The following CFAP96 variants were observed in gnomAD, a reference collection of about 807,000 sequenced individuals.
CFAP96 encodes cilia and flagella associated protein 96, also known as cilia-and flagella-associated protein 96.
chr4:185,439,931 A>G, the CFAP96 span, among the ~76,000 whole-genome samples: 2 of 145,054 alleles, frequency 1.4e-5, no homozygotes, highest in African/African-American at 2.5e-5. Flanking sequence ...TATGATATAT[A>G]TACATATATG....
the CFAP96 span, chr4:185,445,344 T>G: frequency 1.4e-6 from 1 of 728,592 alleles, no homozygotes; most frequent in African/African-American, 1.8e-5. Flanking sequence ...AAAGCTTAAG[T>G]TATCTGCACC....
chr4:185,413,795 C>A, the CFAP96 span: 1 of 1,613,540 alleles, frequency 6.2e-7, no homozygotes, highest in South Asian at 1.1e-5. Context: ...CTTTGTATGG[C>A]TCATCTGGAA....
the CFAP96 span, chr4:185,413,811 T>C: frequency 1.3e-5 from 21 of 1,613,504 alleles, no homozygotes; most frequent in Middle Eastern, 3.3e-4. Flanking sequence ...TGGAAAGTGA[T>C]AAGCATTAGA....
At chr4:185,440,654 A>G in the CFAP96 span, 5 of 1,513,666 alleles carry the variant, frequency 3.3e-6, no homozygotes, top group African/African-American at 1.4e-5. Context: ...TTTACCACCA[A>G]TTAAAAAAGA....
chr4:185,421,456 AGAGT>A, the CFAP96 span, among the ~76,000 whole-genome samples: 2 of 152,162 alleles, frequency 1.3e-5, no homozygotes, highest in African/African-American at 4.8e-5. Flanking sequence ...CACAGTAATA[AGAGT>A]GAGTTCTCAC....
At chr4:185,424,246 C>CA in the CFAP96 span, among the ~76,000 whole-genome samples, 1 of 152,024 alleles carries the variant, frequency 6.6e-6, no homozygotes, top group African/African-American at 2.4e-5. Flanking sequence ...GTCAATGCTA[C>CA]AGTGAGCCAT....
the CFAP96 span, among the ~76,000 whole-genome samples, chr4:185,440,076 A>T: frequency 2.0e-5 from 3 of 150,564 alleles, no homozygotes; most frequent in Admixed American, 6.6e-5. Flanking sequence ...TCATATATAC[A>T]TATAAAATCA....
chr4:185,416,344 C>T, the CFAP96 span, among the ~76,000 whole-genome samples: 1 of 152,138 alleles, frequency 6.6e-6, no homozygotes, highest in Non-Finnish European at 1.5e-5. Flanking sequence ...ATAAAATAAC[C>T]ACACACCAAA....
At chr4:185,413,822 C>T in the CFAP96 span, 1 of 1,613,076 alleles carries the variant, frequency 6.2e-7, no homozygotes, top group East Asian at 2.2e-5. Flanking sequence ...AAGCATTAGA[C>T]CTTTTGAAAT....
At chr4:185,425,858 A>G in the CFAP96 span, 8 of 1,604,240 alleles carry the variant, frequency 5.0e-6, no homozygotes, top group Admixed American at 1.4e-4. Flanking sequence ...ACGAGCAGAG[A>G]TACTCACCAT....
chr4:185,434,048 A>T, the CFAP96 span, among the ~76,000 whole-genome samples: 2 of 151,928 alleles, frequency 1.3e-5, no homozygotes, highest in Admixed American at 1.3e-4. Flanking sequence ...ACAAAAACCC[A>T]TCTCTACAAA....
At chr4:185,415,297 T>C in the CFAP96 span, 2 of 1,602,758 alleles carry the variant, frequency 1.2e-6, no homozygotes, top group East Asian at 4.5e-5. Flanking sequence ...AATACATTTT[T>C]CCATGTCAGT....
chr4:185,425,775 C>A, the CFAP96 span: 119 of 1,546,648 alleles, frequency 7.7e-5, no homozygotes, highest in African/African-American at 1.4e-5. Context: ...CCGGCAGGAC[C>A]AGCTCCTTTC....
At chr4:185,430,288 T>A in the CFAP96 span, among the ~76,000 whole-genome samples, 1 of 152,222 alleles carries the variant, frequency 6.6e-6, no homozygotes, top group Non-Finnish European at 1.5e-5. Flanking sequence ...ATCCAATTAC[T>A]TCTACATAAT....
At chr4:185,415,131 TAAGAATAGA>T in the CFAP96 span, 1 of 1,533,206 alleles carries the variant, frequency 6.5e-7, no homozygotes. Context: ...TTGTTTTTTC[TAAGAATAGA>T]TGAACTGGTT....
At chr4:185,427,064 C>CA in the CFAP96 span, among the ~76,000 whole-genome samples, 6,463 of 135,940 alleles carry the variant, frequency 0.048, 190 homozygotes, top group Middle Eastern at 0.082. Context: ...GACTCCGTCT[C>CA]AAAAAAAAAA....
chr4:185,424,850 GGTT>G, the CFAP96 span, among the ~76,000 whole-genome samples: 1 of 152,096 alleles, frequency 6.6e-6, no homozygotes, highest in East Asian at 1.9e-4. Flanking sequence ...AACTTCCCAG[GGTT>G]GTTATGAAGA....
the CFAP96 span, among the ~76,000 whole-genome samples, chr4:185,421,108 G>C: frequency 1.3e-5 from 2 of 152,142 alleles, no homozygotes; most frequent in African/African-American, 2.4e-5. Flanking sequence ...TGGCACATTA[G>C]AATTACCTAG....
the CFAP96 span, among the ~76,000 whole-genome samples, chr4:185,443,342 A>ATT: frequency 4.5e-4 from 12 of 26,722 alleles, no homozygotes; most frequent in African/African-American, 1.2e-3. Flanking sequence ...ATATATATAT[A>ATT]TTTTTTTTTT....
Sources: allele counts gnomAD v4.1 joint callset (sites outside exome capture counted in the v4.1 genomes callset), GRCh38; gene constraint gnomAD v4.1.1; transcripts MANE v1.5; gene names NCBI Gene and HGNC (gene_info 2026-07-23, HGNC 2026-07-21).